The following MCTP2 variants were observed in gnomAD, a reference collection of about 807,000 sequenced individuals.
The protein encoded by MCTP2 is multiple C2 and transmembrane domain-containing protein 2.
In MCTP2, 132 loss-of-function variants were observed where a neutral mutation model predicts 111.6. The observed-to-expected ratio is 1.18, with a 90% confidence interval of 1.03 to 1.37. The LOEUF is 1.37. Ranked by LOEUF, MCTP2 falls within the 40% of genes most tolerant of loss-of-function variation. MCTP2 has a pLI of 0.00. For missense variants in MCTP2, 1,183 were observed against 1,067.9 expected (o/e 1.11, Z -1.50); for synonymous variants, 395 against 387.7 (o/e 1.02, Z -0.22).
chr15:94,416,102 C>A (rs1350741315), intron 17 of MCTP2, among the ~76,000 whole-genome samples: 1 of 152,110 alleles, frequency 6.6e-6, no homozygotes, highest in Non-Finnish European at 1.5e-5. Flanking sequence ...ACAGTTGCAT[C>A]ATTGAGAAGT....
chr15:94,418,639 T>A (rs1431436285), intron 17 of MCTP2, among the ~76,000 whole-genome samples: 1 of 152,154 alleles, frequency 6.6e-6, no homozygotes, highest in Non-Finnish European at 1.5e-5. Context: ...TTTCTGCCTT[T>A]ATGAGCGGTG....
Position 94,231,602 on chromosome 15 carries a change from C to G in MCTP2, c.-128C>G, listed in dbSNP as rs1046304314. The stretch of plus-strand genomic sequence containing the variant: ...CTTCCGAGTGGCGACTGCAGCGGGT[C>G]CGGTGCAGGTGAGGGGCGCGCGCCT... On this transcript the variant is annotated 5_prime_UTR_variant, in exon 1 of 23. Coordinates refer to ENST00000357742, the MANE Select transcript of MCTP2 (RefSeq NM_001385001.1). The G allele has an allele frequency of 3.3e-5, 5 of 152,394 alleles. No homozygotes were observed. The highest frequency in any genetic ancestry group is 5.9e-5 in the Non-Finnish European group (4 of 68,204). The allele number at this position is 152,394 out of a possible 1,614,324, so 9.4% of individuals were successfully genotyped here. A position where few individuals can be genotyped will look rare whatever the true frequency, so the allele number is the denominator to read the frequency against.
At chr15:94,373,851 C>A (rs941235491) in intron 12 of MCTP2, among the ~76,000 whole-genome samples, 1 of 152,186 alleles carries the variant, frequency 6.6e-6, no homozygotes, top group Non-Finnish European at 1.5e-5. Context: ...GGTGATGCAG[C>A]CTGATGTCAT....
intron 16 of MCTP2, among the ~76,000 whole-genome samples, chr15:94,401,194 C>T (rs907439322): frequency 9.9e-5 from 15 of 152,210 alleles, no homozygotes; most frequent in Admixed American, 2.0e-4. Context: ...ACCCTCCGCA[C>T]GTGCCTCTTG....
intron 21 of MCTP2, among the ~76,000 whole-genome samples, chr15:94,476,079 A>G (rs1413554378): frequency 6.6e-6 from 1 of 152,220 alleles, no homozygotes; most frequent in Non-Finnish European, 1.5e-5. Context: ...AGTACAATCA[A>G]CATGTCAGGT....
At chr15:94,453,587 A>G (rs2084607033) in intron 19 of MCTP2, among the ~76,000 whole-genome samples, 2 of 152,242 alleles carry the variant, frequency 1.3e-5, no homozygotes, top group African/African-American at 4.8e-5. Flanking sequence ...AACAGAATAA[A>G]AAGTAGTCTG....
At chr15:94,388,402 C>A (rs1361259660) in intron 14 of MCTP2, among the ~76,000 whole-genome samples, 1 of 152,188 alleles carries the variant, frequency 6.6e-6, no homozygotes, top group Non-Finnish European at 1.5e-5. Flanking sequence ...TCTAGTGCAT[C>A]TGTGTGGGCT....
intron 4 of MCTP2, among the ~76,000 whole-genome samples, chr15:94,324,202 C>T (rs1248090988): frequency 6.6e-6 from 1 of 152,194 alleles, no homozygotes; most frequent in African/African-American, 2.4e-5. Context: ...TCTTATGCTC[C>T]AGGCCTGGCT....
In MCTP2 at chr15:94,250,047, A is replaced by ATT; in HGVS notation, c.-66+18392_-66+18393dup. ...AAAATCAGCCATCAGTGATTTTTTC[A>ATT]TTTTTTTTTTCCCCAACTTAAGCCA... On this transcript the variant is annotated intron_variant, in intron 1 of 22. Transcript: ENST00000357742. Among the ~76,000 whole-genome samples the ATT allele has an allele frequency of 1.3e-5, 2 of 150,192 alleles. 1 individual carries two copies. The highest frequency in any genetic ancestry group is 4.9e-5 in the African/African-American group (2 of 41,018).
chr15:94,357,534 C>T (rs1162390692), intron 9 of MCTP2, among the ~76,000 whole-genome samples: 10 of 150,910 alleles, frequency 6.6e-5, no homozygotes, highest in Middle Eastern at 3.4e-3. Flanking sequence ...TGTGGTCTAA[C>T]AGGGCTTTTC....
intron 12 of MCTP2, among the ~76,000 whole-genome samples, chr15:94,379,063 G>GGT (rs1257198993): frequency 1.3e-5 from 2 of 150,888 alleles, no homozygotes; most frequent in African/African-American, 2.5e-5. Context: ...TTAGTTTTTT[G>GGT]TTTTTTGTTT....
At chr15:94,309,412 A>G (rs1057487735) in intron 2 of MCTP2, among the ~76,000 whole-genome samples, 1 of 152,134 alleles carries the variant, frequency 6.6e-6, no homozygotes, top group African/African-American at 2.4e-5. Context: ...TGTTCAGCCA[A>G]ATTTTTACTC....
chr15:94,245,854 C>G (rs868231791), intron 1 of MCTP2, among the ~76,000 whole-genome samples: 4 of 151,550 alleles, frequency 2.6e-5, no homozygotes, highest in Non-Finnish European at 4.4e-5. Context: ...TATTGATCAG[C>G]TATGATTTCA....
chr15:94,314,321 T>A lies in MCTP2; in HGVS notation c.505T>A (p.Ser169Thr). 6.2e-7 allele frequency: 1 copy of A among 1,608,860 alleles called. No homozygotes were observed. Among genetic ancestry groups the A allele is most frequent in the Non-Finnish European group, 8.5e-7 (1 of 1,177,774 alleles). ...GSSDLNASMT[S>T]QHFEEQSVPG... Reference sequence around the variant, plus strand: ...CAGTGACCTGAATGCTTCTATGACATCTCAACATTTTGAAGAACAATCTGT... The same window carrying A: ...CAGTGACCTGAATGCTTCTATGACAACTCAACATTTTGAAGAACAATCTGT... Residue 169 changes from serine to threonine, a missense_variant, in exon 3 of 23, where the codon TCT (serine) becomes ACT (threonine). Transcript: ENST00000357742.
intron 11 of MCTP2, 29 bp downstream of exon 11, chr15:94,367,820 C>G (rs753987840): frequency 1.9e-6 from 3 of 1,552,546 alleles, no homozygotes; most frequent in Non-Finnish European, 2.6e-6. Context: ...TGTACACTCC[C>G]CCTCCTCCCA....
intron 21 of MCTP2, 152 bp from the exon 22 acceptor site, chr15:94,476,544 C>G (rs2074365560): frequency 1.9e-6 from 1 of 519,550 alleles, no homozygotes; most frequent in Non-Finnish European, 3.4e-6. Flanking sequence ...TGAATATCCC[C>G]TCTCCCCCGA....
At chr15:94,231,461 G>A (rs2070159659), upstream of MCTP2, 1 of 126,716 alleles carries the variant, frequency 7.9e-6, no homozygotes, top group South Asian at 2.7e-4. Flanking sequence ...CAAAGGTGAC[G>A]CGCGGCCGCC....
chr15:94,429,006 A>G (rs535795349), intron 17 of MCTP2, among the ~76,000 whole-genome samples: 1 of 152,128 alleles, frequency 6.6e-6, no homozygotes, highest in South Asian at 2.1e-4. Flanking sequence ...CTTCTAGACA[A>G]TTTCATAACT....
Position 94,276,128 on chromosome 15 carries a change from G to A in MCTP2, c.-65-22073G>A, listed in dbSNP as rs183393720. ...CAAAGTGCTGGGATTACAGGTGTGA[G>A]CCACCGTGCCTGGCCTTTATAAGTG... On this transcript the variant is annotated intron_variant, in intron 1 of 22. Transcript: ENST00000357742. Among the ~76,000 whole-genome samples the A allele has an allele frequency of 3.4e-3, 514 of 152,240 alleles. 1 individual carries two copies. Among genetic ancestry groups the A allele is most frequent in the African/African-American group, 0.011 (477 of 41,538 alleles).
Sources: gnomAD v4.1 joint callset for allele counts (sites outside exome capture counted in the v4.1 genomes callset) on GRCh38, gnomAD v4.1.1 for gene constraint, MANE v1.5 for transcripts, NCBI Gene and HGNC (gene_info 2026-07-23, HGNC 2026-07-21) for gene names.